LINGO2: variants seen among roughly 807,000 people sequenced by gnomAD.
LINGO2 encodes leucine rich repeat and Ig domain containing 2.
LINGO2 carries 14 observed loss-of-function variants against 30.6 expected under a neutral mutation model. The ratio of observed to expected loss-of-function variants is 0.46; its 90% CI spans 0.30 to 0.72. The LOEUF (loss-of-function observed/expected upper bound fraction) is 0.72. LINGO2 is among the 30% of genes least tolerant of loss of function. The pLI is 0.07. For missense variants in LINGO2, 729 were observed against 751.7 expected, an observed-to-expected ratio of 0.97 and a Z score of 0.35; for synonymous variants, 317 against 288.5, an observed-to-expected ratio of 1.10 and a Z score of -1.00.
chr9:28,906,970 CAA>C, the LINGO2 span, among the ~76,000 whole-genome samples: 2 of 151,872 alleles, frequency 1.3e-5, no homozygotes, highest in East Asian at 3.9e-4. Flanking sequence ...CAGAGCAGAA[CAA>C]AACTCACCTA....
At chr9:28,652,106 G>A (rs1563894051) in intron 1 of LINGO2, among the ~76,000 whole-genome samples, 1 of 151,866 alleles carries the variant, frequency 6.6e-6, no homozygotes. Context: ...TTCTGCATAT[G>A]CCTTTTTTCT....
chr9:28,327,820 CAT>C lies in LINGO2; in HGVS notation c.-245-32456_-245-32455del, dbSNP rs529437185. Among the ~76,000 whole-genome samples the C allele has an allele frequency of 6.0e-4, 91 of 151,852 alleles. 1 individual carries two copies. The South Asian group carries it at 9.6e-3, about 16-fold the overall frequency. On this transcript the variant is annotated intron_variant, in intron 3 of 5. Coordinates refer to ENST00000379992, the Ensembl canonical transcript of LINGO2. ...AAAATCACTCATCAATAAAAAAAGT[CAT>C]GTGATATATTCAATATTCTATCATT...
chr9:28,446,958 A>C (rs1824445907), intron 2 of LINGO2, among the ~76,000 whole-genome samples: 1 of 152,160 alleles, frequency 6.6e-6, no homozygotes, highest in African/African-American at 2.4e-5. Context: ...AAAAAGTGCC[A>C]GACTCCTTCT....
chr9:28,979,265 C>T, the LINGO2 span, among the ~76,000 whole-genome samples: 4 of 152,016 alleles, frequency 2.6e-5, no homozygotes, highest in Non-Finnish European at 4.4e-5. Context: ...AGCACCAAAA[C>T]TGTCAGGTAA....
the LINGO2 span, among the ~76,000 whole-genome samples, chr9:29,211,723 G>A: frequency 2.6e-5 from 4 of 152,048 alleles, no homozygotes; most frequent in Non-Finnish European, 5.9e-5. Context: ...AAGAGGGTGT[G>A]GTACTCGTTT....
At chr9:28,555,497 A>G (rs1822608588) in intron 1 of LINGO2, among the ~76,000 whole-genome samples, 1 of 151,968 alleles carries the variant, frequency 6.6e-6, no homozygotes, top group South Asian at 2.1e-4. Flanking sequence ...AAATTGTGGC[A>G]ATAATCAATA....
intron 1 of LINGO2, among the ~76,000 whole-genome samples, chr9:28,480,062 T>C (rs908131973): frequency 6.6e-6 from 1 of 150,728 alleles, no homozygotes; most frequent in Non-Finnish European, 1.5e-5. Context: ...TGCTATGATT[T>C]CTGTGAGGTT....
chr9:29,111,790 C>A, the LINGO2 span, among the ~76,000 whole-genome samples: 1 of 121,326 alleles, frequency 8.2e-6, no homozygotes, highest in African/African-American at 3.1e-5. Flanking sequence ...ACCTAAAGTT[C>A]CATGGGTATG....
intron 4 of LINGO2, among the ~76,000 whole-genome samples, chr9:28,110,364 C>T (rs1219799458): frequency 1.3e-5 from 2 of 152,152 alleles, no homozygotes; most frequent in African/African-American, 4.8e-5. Context: ...ACACCAAAAG[C>T]ATTTGCAACA....
intron 1 of LINGO2, among the ~76,000 whole-genome samples, chr9:28,506,894 C>A (rs1013497588): frequency 5.3e-5 from 8 of 151,806 alleles, no homozygotes; most frequent in Non-Finnish European, 7.4e-5. Flanking sequence ...TTCTCTACAG[C>A]CATTAGGAAA....
intron 4 of LINGO2, among the ~76,000 whole-genome samples, chr9:28,122,942 G>T (rs1469557776): frequency 6.6e-6 from 1 of 152,164 alleles, no homozygotes; most frequent in African/African-American, 2.4e-5. Context: ...TGGCCAATTT[G>T]TCAAAATATA....
At chr9:28,039,493 G>A (rs757532946) in intron 4 of LINGO2, among the ~76,000 whole-genome samples, 3 of 152,066 alleles carry the variant, frequency 2.0e-5, no homozygotes, top group Non-Finnish European at 4.4e-5. Flanking sequence ...TGCCTTGAAG[G>A]ATGAGTGTAA....
intron 1 of LINGO2, among the ~76,000 whole-genome samples, chr9:28,492,593 C>T (rs1826442978): frequency 6.6e-6 from 1 of 152,028 alleles, no homozygotes; most frequent in South Asian, 2.1e-4. Flanking sequence ...GGGTCTTTTC[C>T]AAAGTTCTAC....
intron 1 of LINGO2, among the ~76,000 whole-genome samples, chr9:28,614,842 T>A (rs935238707): frequency 6.6e-6 from 1 of 152,068 alleles, no homozygotes; most frequent in Non-Finnish European, 1.5e-5. Context: ...GGGTTTTAAC[T>A]CCTCAGGTGT....
intron 1 of LINGO2, among the ~76,000 whole-genome samples, chr9:28,575,624 T>C (rs887482788): frequency 3.3e-5 from 5 of 151,886 alleles, no homozygotes; most frequent in African/African-American, 9.7e-5. Context: ...GGACCACTCA[T>C]ACACCAGACC....
chr9:28,393,357 A>T (rs144654643), intron 2 of LINGO2, among the ~76,000 whole-genome samples: 1 of 152,328 alleles, frequency 6.6e-6, no homozygotes, highest in East Asian at 1.9e-4. Flanking sequence ...TTCAGCAGAG[A>T]AAATTACATT....
At chr9:28,813,213 C>G in the LINGO2 span, among the ~76,000 whole-genome samples, 2 of 152,056 alleles carry the variant, frequency 1.3e-5, no homozygotes, top group Admixed American at 6.6e-5. Context: ...CCAGCCCCCC[C>G]CAATTAGCTG....
At chr9:28,015,789 CTTAATG>C (rs1045011284) in intron 4 of LINGO2, among the ~76,000 whole-genome samples, 6 of 152,034 alleles carry the variant, frequency 3.9e-5, no homozygotes, top group African/African-American at 9.6e-5. Context: ...CCCAGTTTAC[CTTAATG>C]TTAATAATTT....
intron 1 of LINGO2, among the ~76,000 whole-genome samples, chr9:28,598,005 TCCAC>T (rs1485410034): frequency 6.6e-6 from 1 of 152,110 alleles, no homozygotes; most frequent in Non-Finnish European, 1.5e-5. Context: ...CCCCATGTGA[TCCAC>T]CCACCTCTGC....
Sources: gnomAD v4.1 joint callset for allele counts (sites outside exome capture counted in the v4.1 genomes callset) on GRCh38, gnomAD v4.1.1 for gene constraint, MANE v1.5 for transcripts, NCBI Gene and HGNC (gene_info 2026-07-23, HGNC 2026-07-21) for gene names.